Variants in PLA2G4A observed in about 807,000 individuals in gnomAD.
PLA2G4A encodes the protein phospholipase A2 group IVA.
Under a neutral mutation model 81.9 loss-of-function variants are expected in PLA2G4A, and 40 were observed. The ratio of observed to expected loss-of-function variants is 0.49; its 90% CI spans 0.38 to 0.64. The LOEUF is 0.64. Ranked by LOEUF, PLA2G4A falls within the 30% of genes least tolerant of loss-of-function variation. The probability of loss-of-function intolerance (pLI) is 0.00; values close to 1 mark genes in which losing one functional copy is unlikely to be tolerated. For missense variants in PLA2G4A, 715 were observed against 905.1 expected, an observed-to-expected ratio of 0.79 and a Z score of 2.69; for synonymous variants, 302 against 296.9, an observed-to-expected ratio of 1.02 and a Z score of -0.18.
At chr1:186,987,096 T>C (rs1657914846) in intron 17 of PLA2G4A, among the ~76,000 whole-genome samples, 1 of 152,268 alleles carries the variant, frequency 6.6e-6, no homozygotes, top group South Asian at 2.1e-4. Context: ...TATTAGAGAA[T>C]AGAGAGCCTT....
intron 3 of PLA2G4A, among the ~76,000 whole-genome samples, chr1:186,885,260 C>A (rs1274902314): frequency 1.3e-5 from 2 of 152,050 alleles, no homozygotes; most frequent in Non-Finnish European, 2.9e-5. Context: ...AAGATATTGG[C>A]AGTCTCATAA....
chr1:186,884,861 C>G (rs899963015), intron 3 of PLA2G4A, among the ~76,000 whole-genome samples: 1 of 149,902 alleles, frequency 6.7e-6, no homozygotes, highest in Non-Finnish European at 1.5e-5. Context: ...CACTGCACTC[C>G]AGGCTGGTTG....
Position 186,980,843 on chromosome 1 carries a change from A to G in PLA2G4A, c.2118+1371A>G, listed in dbSNP as rs528805721. ...TTACAACTCTAAAATTCTTTTTTTC[A>G]GCCTTCATTTACAAATAGATGATAA... On this transcript the variant is annotated intron_variant, in intron 17 of 17. Coordinates refer to ENST00000367466, the MANE Select transcript of PLA2G4A (RefSeq NM_024420.3). Among the ~76,000 whole-genome samples, 17 of 152,246 alleles carry G rather than the reference A, an allele frequency of 1.1e-4. No individual in the cohort carries two copies. In the East Asian group the frequency reaches 3.3e-3, roughly 29 times the overall value.
chr1:186,843,677 G>A (rs565857215), intron 1 of PLA2G4A, among the ~76,000 whole-genome samples: 7 of 152,300 alleles, frequency 4.6e-5, no homozygotes, highest in Non-Finnish European at 7.3e-5. Context: ...AATGACAGGC[G>A]GACATGATCC....
Position 186,939,143 on chromosome 1 carries a change from G to C in PLA2G4A, c.831G>C (p.Glu277Asp). The change falls in exon 9 of 18, where the codon GAG (glutamate) becomes GAC (aspartate). Residue 277 changes from glutamate to aspartate, a missense_variant. Transcript: ENST00000367466. ...LTPQKVKRYVESLWKKKSSGQ... is the reference protein window; with the variant it reads ...LTPQKVKRYVDSLWKKKSSGQ... ...CACAGAAAGTTAAAAGATATGTTGA[G>C]TCTTTATGGAAGAAGAAAAGCTCTG... 6.2e-7 allele frequency: 1 copy of C among 1,610,090 alleles called. No homozygotes were observed. The highest frequency in any genetic ancestry group is 8.5e-7 in the Non-Finnish European group (1 of 1,176,528).
At chr1:186,840,908 T>G (rs994003634) in intron 1 of PLA2G4A, among the ~76,000 whole-genome samples, 1 of 152,196 alleles carries the variant, frequency 6.6e-6, no homozygotes, top group African/African-American at 2.4e-5. Context: ...GGGGAGCATA[T>G]TTGCAAAATG....
chr1:186,857,276 C>CT (rs1400010544), intron 2 of PLA2G4A, among the ~76,000 whole-genome samples: 2 of 87,030 alleles, frequency 2.3e-5, no homozygotes, highest in Non-Finnish European at 4.3e-5. Flanking sequence ...ATAAGGCTGA[C>CT]TGCCTTATAT....
chr1:186,865,127 C>T (rs978535381), intron 2 of PLA2G4A, among the ~76,000 whole-genome samples: 1 of 149,222 alleles, frequency 6.7e-6, no homozygotes, highest in African/African-American at 2.4e-5. Context: ...TATTGCCAAA[C>T]TTAATGTATA....
intron 16 of PLA2G4A, among the ~76,000 whole-genome samples, chr1:186,978,965 G>A (rs981486403): frequency 1.3e-5 from 2 of 152,196 alleles, no homozygotes; most frequent in Non-Finnish European, 2.9e-5. Flanking sequence ...ACACCAAAAG[G>A]CAGGGGAATG....
In PLA2G4A at chr1:186,868,136, C is replaced by T. The variant is rs543952582; in HGVS notation, c.34-2299C>T. On this transcript the variant is annotated intron_variant, in intron 2 of 17. Transcript: ENST00000367466. ...GGAGTCCCAGGCTGGAGTGCAATGG[C>T]GCTATCTTGCTTGCTGCAACCACTG... Among the ~76,000 whole-genome samples the T allele has an allele frequency of 2.3e-4, 32 of 136,922 alleles. 1 individual carries two copies. Among genetic ancestry groups the T allele is most frequent in the African/African-American group, 5.8e-4 (20 of 34,650 alleles). The allele number at this position is 136,922 out of a possible 152,430, so 89.8% of individuals were successfully genotyped here.
At chr1:186,951,381 T>C (rs1299948794) in intron 13 of PLA2G4A, among the ~76,000 whole-genome samples, 1 of 152,072 alleles carries the variant, frequency 6.6e-6, no homozygotes, top group East Asian at 1.9e-4. Context: ...TTGTTGTAAA[T>C]GTTTTGTGGT....
At chr1:186,854,151 C>A (rs915962135) in intron 1 of PLA2G4A, 135 bp from the exon 2 acceptor site, 2 of 521,216 alleles carry the variant, frequency 3.8e-6, no homozygotes, top group Non-Finnish European at 6.8e-6. Flanking sequence ...ATAACCCATT[C>A]GTATACACAG....
intron 2 of PLA2G4A, among the ~76,000 whole-genome samples, chr1:186,856,393 C>CTT (rs546355935): frequency 4.4e-5 from 6 of 134,974 alleles, no homozygotes; most frequent in South Asian, 4.7e-4. Context: ...TTAGTTGTTG[C>CTT]TTTTTTTTTT....
intron 8 of PLA2G4A, among the ~76,000 whole-genome samples, chr1:186,933,516 A>T (rs1192311971): frequency 6.6e-6 from 1 of 152,196 alleles, no homozygotes; most frequent in East Asian, 1.9e-4. Flanking sequence ...AACATTTTCC[A>T]AGAAGATATT....
At chr1:186,939,492 G>GAAAAA (rs10599543) in intron 9 of PLA2G4A, among the ~76,000 whole-genome samples, 1 of 143,162 alleles carries the variant, frequency 7.0e-6, no homozygotes, top group African/African-American at 2.5e-5. Flanking sequence ...CTTTTCTCTG[G>GAAAAA]AAAAAAAAAA....
At chr1:186,861,284 C>T (rs922988504) in intron 2 of PLA2G4A, among the ~76,000 whole-genome samples, 2 of 152,088 alleles carry the variant, frequency 1.3e-5, no homozygotes, top group African/African-American at 4.8e-5. Context: ...GTGTGGTTTA[C>T]CAGCGACCTT....
chr1:186,874,540 A>G (rs895941556), intron 3 of PLA2G4A, among the ~76,000 whole-genome samples: 6 of 152,102 alleles, frequency 3.9e-5, no homozygotes, highest in African/African-American at 9.7e-5. Flanking sequence ...TTTTAGAACT[A>G]TCCTAATTAT....
intron 15 of PLA2G4A, among the ~76,000 whole-genome samples, chr1:186,971,213 G>T (rs992763752): frequency 6.6e-6 from 1 of 151,658 alleles, no homozygotes; most frequent in Non-Finnish European, 1.5e-5. Context: ...AGGATATTTT[G>T]TTTTAATCTT....
chr1:186,954,349 C>A (rs1362498473), intron 13 of PLA2G4A, among the ~76,000 whole-genome samples: 1 of 152,084 alleles, frequency 6.6e-6, no homozygotes, highest in Non-Finnish European at 1.5e-5. Context: ...GACAGAAAAC[C>A]AAACACCACA....
Sources: gnomAD v4.1 joint callset for allele counts (sites outside exome capture counted in the v4.1 genomes callset) on GRCh38, gnomAD v4.1.1 for gene constraint, MANE v1.5 for transcripts, NCBI Gene and HGNC (gene_info 2026-07-23, HGNC 2026-07-21) for gene names.